The following DAPK1 variants were observed in gnomAD, a reference collection of about 807,000 sequenced individuals.
DAPK1 encodes death-associated protein kinase 1.
Under a neutral mutation model 144.9 loss-of-function variants are expected in DAPK1, and 56 were observed. The observed-to-expected ratio is 0.39, with a 90% CI of 0.31 to 0.48. DAPK1 has a LOEUF of 0.48. DAPK1 is among the 20% of genes least tolerant of loss of function. The pLI is 0.95. For missense variants in DAPK1, 1,454 were observed against 1,875.4 expected, an observed-to-expected ratio of 0.78 and a Z score of 4.15; for synonymous variants, 690 against 749.0, an observed-to-expected ratio of 0.92 and a Z score of 1.29.
chr9:87,606,667 CCT>C (rs1175162300), intron 3 of DAPK1, among the ~76,000 whole-genome samples: 1 of 121,606 alleles, frequency 8.2e-6, no homozygotes, highest in Non-Finnish European at 1.7e-5. Flanking sequence ...TTCCTTCCTC[CCT>C]CTCTCTCCCT....
chr9:87,606,937 C>A (rs1209218164), intron 3 of DAPK1, among the ~76,000 whole-genome samples: 1 of 151,614 alleles, frequency 6.6e-6, no homozygotes, highest in Non-Finnish European at 1.5e-5. Flanking sequence ...TTAGCAGCAT[C>A]TCTGGCTTCT....
At chr9:87,560,679 T>C (rs1826880336) in intron 2 of DAPK1, among the ~76,000 whole-genome samples, 1 of 151,690 alleles carries the variant, frequency 6.6e-6, no homozygotes. Flanking sequence ...TTTTTTTTTT[T>C]TTTTTTGAGA....
At chr9:87,653,223 C>G (rs1047103313) in intron 17 of DAPK1, among the ~76,000 whole-genome samples, 1 of 151,278 alleles carries the variant, frequency 6.6e-6, no homozygotes, top group African/African-American at 2.4e-5. Flanking sequence ...TGTGTTCTGT[C>G]ACCTGAACCC....
intron 2 of DAPK1, among the ~76,000 whole-genome samples, chr9:87,523,982 G>A (rs1483474258): frequency 1.3e-5 from 2 of 152,206 alleles, no homozygotes; most frequent in African/African-American, 4.8e-5. Context: ...AGAATCACAG[G>A]CATGCTAGTG....
At chr9:87,688,261 G>C (rs1311441381) in intron 21 of DAPK1, among the ~76,000 whole-genome samples, 1 of 152,184 alleles carries the variant, frequency 6.6e-6, no homozygotes, top group African/African-American at 2.4e-5. Flanking sequence ...TTGCTGCAAA[G>C]GACATGATTT....
At chr9:87,693,726 A>G (rs1417191931) in intron 21 of DAPK1, among the ~76,000 whole-genome samples, 1 of 151,974 alleles carries the variant, frequency 6.6e-6, no homozygotes, top group Non-Finnish European at 1.5e-5. Context: ...AGGGGAGGGC[A>G]TTTTCCTGAA....
intron 24 of DAPK1, among the ~76,000 whole-genome samples, chr9:87,702,597 G>A (rs1825492473): frequency 6.6e-6 from 1 of 152,220 alleles, no homozygotes; most frequent in Admixed American, 6.5e-5. Context: ...AGTTGATTGA[G>A]TGACTGAGTC....
At position 87,698,459 on chromosome 9, in the gene DAPK1, A is replaced by T. The variant is rs188293175; in HGVS notation, c.2612-197A>T. 2.0e-5 allele frequency: 11 copies of T among 545,260 alleles called. No individual in the cohort carries two copies. In the African/African-American group the frequency reaches 2.1e-4, roughly 10 times the overall value. The allele number at this position is 545,260 out of a possible 1,614,324, so 33.8% of individuals were successfully genotyped here. Reference sequence around the variant, plus strand: ...TCCTTGTGGCCTAGGAGATAGGCTTATCCTGTCGTTGGCCATGCTGGGGCC... The same window carrying T: ...TCCTTGTGGCCTAGGAGATAGGCTTTTCCTGTCGTTGGCCATGCTGGGGCC... On this transcript the variant is annotated intron_variant, in intron 22 of 25. Coordinates refer to ENST00000408954, the MANE Select transcript of DAPK1 (RefSeq NM_004938.4).
chr9:87,552,738 T>C (rs1826541936), intron 2 of DAPK1, among the ~76,000 whole-genome samples: 1 of 148,958 alleles, frequency 6.7e-6, no homozygotes, highest in South Asian at 2.1e-4. Flanking sequence ...ACTATAGACA[T>C]GCCCCACTGT....
intron 2 of DAPK1, among the ~76,000 whole-genome samples, chr9:87,542,727 T>C (rs972595814): frequency 1.3e-5 from 2 of 152,066 alleles, no homozygotes; most frequent in African/African-American, 4.8e-5. Context: ...AAACGGCCAG[T>C]GAGAAGGGGA....
chr9:87,553,358 C>CAT (rs1394471695), intron 2 of DAPK1: 2 of 152,208 alleles, frequency 1.3e-5, no homozygotes, highest in African/African-American at 4.8e-5. Flanking sequence ...GTTAACCATT[C>CAT]ATGGGATCTT....
At chr9:87,665,958 A>G (rs997758065) in intron 18 of DAPK1, among the ~76,000 whole-genome samples, 39 of 152,178 alleles carry the variant, frequency 2.6e-4, no homozygotes, top group Non-Finnish European at 2.1e-4. Flanking sequence ...CATTGAGTCC[A>G]TGAGCCCTGT....
At chr9:87,558,603 G>C (rs140779805) in intron 2 of DAPK1, among the ~76,000 whole-genome samples, 37 of 152,246 alleles carry the variant, frequency 2.4e-4, no homozygotes, top group African/African-American at 8.7e-4. Flanking sequence ...ACAATTCCTC[G>C]ATACTAGCTG....
chr9:87,568,441 C>G (rs919810544), intron 2 of DAPK1, among the ~76,000 whole-genome samples: 30 of 152,248 alleles, frequency 2.0e-4, no homozygotes, highest in African/African-American at 7.2e-4. Context: ...TTTGATGGTA[C>G]TTGCATTTGA....
At chr9:87,497,705 G>A, upstream of DAPK1, 1 of 227,244 alleles carries the variant, frequency 4.4e-6, no homozygotes, top group Non-Finnish European at 8.5e-6. Context: ...AGCCCGGAGC[G>A]CGGAGCTGGG....
Position 87,498,986 on chromosome 9 carries a change from A to T in DAPK1, c.-92A>T. The T allele has an allele frequency of 1.0e-6, 1 of 971,614 alleles. No homozygotes were observed. The highest frequency in any genetic ancestry group is 1.7e-6 in the Non-Finnish European group (1 of 601,432). The allele number at this position is 971,614 out of a possible 1,614,324, so 60.2% of individuals were successfully genotyped here. ...CTTCAAAAGGACTGGAGACTGATGCATGAGGGGGCTACGGAGGCGCAGGAG... is the reference window on the plus strand; with the variant it reads ...CTTCAAAAGGACTGGAGACTGATGCTTGAGGGGGCTACGGAGGCGCAGGAG... On this transcript the variant is annotated 5_prime_UTR_variant, in exon 2 of 26. It removes an upstream start codon present in the reference 5' UTR. Coordinates refer to ENST00000408954, the MANE Select transcript of DAPK1 (RefSeq NM_004938.4).
At chr9:87,595,319 A>G (rs1471647745) in intron 2 of DAPK1, among the ~76,000 whole-genome samples, 7 of 152,124 alleles carry the variant, frequency 4.6e-5, no homozygotes, top group Non-Finnish European at 4.4e-5. Context: ...TTTTGCTTAA[A>G]CTTGCTTGGC....
At position 87,499,041 on chromosome 9, in the gene DAPK1, A is replaced by G. The variant is rs1337957136; in HGVS notation, c.-37A>G. 2 of 1,604,498 alleles carry G rather than the reference A, an allele frequency of 1.2e-6. No homozygotes were observed. Among genetic ancestry groups the G allele is most frequent in the African/African-American group, 2.7e-5 (2 of 74,778 alleles). On this transcript the variant is annotated 5_prime_UTR_variant, in exon 2 of 26. Transcript: ENST00000408954. ...GGTGATGGTCTGGGAAGCGGAGCTG[A>G]AGTGCCCTGGGCTTTGGTGAGGCGT...
chr9:87,682,309 A>G lies in DAPK1; in HGVS notation c.2224+683A>G, dbSNP rs535601523. 4.6e-5 allele frequency among the ~76,000 whole-genome samples: 7 copies of G among 152,356 alleles called. No homozygotes were observed. In the South Asian group the frequency reaches 1.4e-3, roughly 32 times the overall value. On this transcript the variant is annotated intron_variant, in intron 20 of 25. Coordinates refer to ENST00000408954, the MANE Select transcript of DAPK1 (RefSeq NM_004938.4). ...GTCACGAAACACCTGGCAGTGAGCA[A>G]GAGAAAATGATGCAATCTTGGGTGT...
Sources: allele counts gnomAD v4.1 joint callset (sites outside exome capture counted in the v4.1 genomes callset), GRCh38; gene constraint gnomAD v4.1.1; transcripts MANE v1.5; gene names NCBI Gene and HGNC (gene_info 2026-07-23, HGNC 2026-07-21).